STXBP5: variants seen among roughly 807,000 people sequenced by gnomAD.
STXBP5 encodes syntaxin binding protein 5, also known as syntaxin-binding protein 5.
Under a neutral mutation model 152.4 loss-of-function variants are expected in STXBP5, and 50 were observed. That is an observed-to-expected ratio of 0.33 (90% CI 0.26 to 0.42). STXBP5 has a LOEUF of 0.42. STXBP5 is among the 10% of genes least tolerant of loss of function. The pLI is 1.00. For synonymous variants in STXBP5, 492 were observed against 494.7 expected, an observed-to-expected ratio of 0.99 and a Z score of 0.07; for missense variants, 1,167 against 1,388.6, an observed-to-expected ratio of 0.84 and a Z score of 2.54.
In STXBP5 at chr6:147,339,318, A is replaced by T; in HGVS notation, c.2207-19A>T. 2 of 1,517,320 alleles carry T rather than the reference A, an allele frequency of 1.3e-6. No homozygotes were observed. The highest frequency in any genetic ancestry group is 1.8e-6 in the Non-Finnish European group (2 of 1,136,626). 94.0% of individuals were successfully genotyped at this position (1,517,320 alleles called of 1,614,324 possible). A position where few individuals can be genotyped will look rare whatever the true frequency, so the allele number is the denominator to read the frequency against. On this transcript the variant is annotated intron_variant, in intron 20 of 27. Transcript: ENST00000321680. ...CTTTGACTAGATTTTGACATTTTAT[A>T]TCAAAATATTGTTTTCAGTGAAGAC... is the stretch of plus-strand genomic sequence containing the variant.
chr6:147,385,045 G>T lies in STXBP5; in HGVS notation c.*290G>T. The T allele has an allele frequency of 2.5e-6, 1 of 397,920 alleles. No homozygotes were observed. The highest frequency in any genetic ancestry group is 4.5e-6 in the Non-Finnish European group (1 of 221,296). 24.6% of individuals were successfully genotyped at this position (397,920 alleles called of 1,614,324 possible). On this transcript the variant is annotated 3_prime_UTR_variant, in exon 28 of 28. Coordinates refer to ENST00000321680, the MANE Select transcript of STXBP5 (RefSeq NM_001127715.4). The stretch of plus-strand genomic sequence containing the variant: ...AAGGGGGCTGCTGAGGAGACCTGGT[G>T]CAGGGACTAATCCTGGATCATTCCT...
chr6:147,207,771 T>C (rs557965516), intron 2 of STXBP5, among the ~76,000 whole-genome samples: 8 of 152,300 alleles, frequency 5.3e-5, no homozygotes, highest in African/African-American at 1.9e-4. Flanking sequence ...TGCTTTTCTG[T>C]AAAATGAGTT....
At chr6:147,264,139 T>G (rs1024114757) in intron 6 of STXBP5, among the ~76,000 whole-genome samples, 1 of 151,784 alleles carries the variant, frequency 6.6e-6, no homozygotes, top group Admixed American at 6.6e-5. Flanking sequence ...TATCTAAACT[T>G]TGGTTTCTTT....
chr6:147,244,240 A>G (rs187761099), intron 4 of STXBP5, among the ~76,000 whole-genome samples: 40 of 152,284 alleles, frequency 2.6e-4, no homozygotes, highest in Non-Finnish European at 1.9e-4. Flanking sequence ...TTTTGGTATC[A>G]GAGGGGTTTC....
At position 147,278,307 on chromosome 6, in the gene STXBP5, A is replaced by G; in HGVS notation, c.838+103A>G. 4.3e-6 allele frequency: 5 copies of G among 1,172,072 alleles called. No homozygotes were observed. In the South Asian group the frequency reaches 7.1e-5, roughly 17 times the overall value. 72.6% of individuals were successfully genotyped at this position (1,172,072 alleles called of 1,614,324 possible). A position where few individuals can be genotyped will look rare whatever the true frequency, so the allele number is the denominator to read the frequency against. On this transcript the variant is annotated intron_variant, in intron 8 of 27. Coordinates refer to ENST00000321680, the MANE Select transcript of STXBP5 (RefSeq NM_001127715.4). ...TGTTTGTTTGATTTTTAGGATAAGG[A>G]TGGGTTTCCTTCTGTTTTTAGGGAA...
chr6:147,284,764 G>T (rs1204063020), intron 8 of STXBP5, among the ~76,000 whole-genome samples: 1 of 152,156 alleles, frequency 6.6e-6, no homozygotes, highest in African/African-American at 2.4e-5. Context: ...AAACGCCTTT[G>T]GGCAAGTAGC....
chr6:147,219,517 C>T (rs1777349737), intron 2 of STXBP5, among the ~76,000 whole-genome samples: 1 of 152,080 alleles, frequency 6.6e-6, no homozygotes, highest in African/African-American at 2.4e-5. Flanking sequence ...CCCATCTGGT[C>T]CTGGTACTTT....
intron 4 of STXBP5, among the ~76,000 whole-genome samples, chr6:147,240,055 G>A (rs1384053806): frequency 1.3e-5 from 2 of 151,616 alleles, no homozygotes; most frequent in Non-Finnish European, 2.9e-5. Context: ...TGATTCTCAT[G>A]CCTCAGCCTC....
intron 4 of STXBP5, among the ~76,000 whole-genome samples, chr6:147,249,515 C>T (rs942524002): frequency 6.6e-6 from 1 of 152,112 alleles, no homozygotes; most frequent in African/African-American, 2.4e-5. Flanking sequence ...GCAGAATTGT[C>T]CCCTACACAA....
At chr6:147,313,591 T>TA (rs1782489440) in intron 11 of STXBP5, among the ~76,000 whole-genome samples, 1 of 152,142 alleles carries the variant, frequency 6.6e-6, no homozygotes, top group Non-Finnish European at 1.5e-5. Context: ...TGTTCTTCAG[T>TA]AAAATGCCTA....
intron 16 of STXBP5, among the ~76,000 whole-genome samples, chr6:147,319,183 GGTT>G (rs1004100116): frequency 1.3e-5 from 2 of 151,622 alleles, no homozygotes; most frequent in African/African-American, 4.8e-5. Context: ...AAAATGGGGG[GGTT>G]GTTTTTTAAA....
At chr6:147,348,465 C>T (rs1185817720) in intron 21 of STXBP5, among the ~76,000 whole-genome samples, 1 of 152,048 alleles carries the variant, frequency 6.6e-6, no homozygotes, top group African/African-American at 2.4e-5. Context: ...GATTTCTCAG[C>T]TGCACTCAAT....
chr6:147,368,773 C>T (rs898929678), intron 25 of STXBP5, among the ~76,000 whole-genome samples: 1 of 151,710 alleles, frequency 6.6e-6, no homozygotes, highest in Non-Finnish European at 1.5e-5. Context: ...GATAAATATA[C>T]AAAAATAATT....
At chr6:147,371,401 C>T (rs983054229) in intron 25 of STXBP5, among the ~76,000 whole-genome samples, 1 of 152,078 alleles carries the variant, frequency 6.6e-6, no homozygotes, top group Non-Finnish European at 1.5e-5. Flanking sequence ...AGATAAATGA[C>T]TTGTGTATTT....
At chr6:147,226,968 A>G (rs1777750108) in intron 2 of STXBP5, among the ~76,000 whole-genome samples, 1 of 152,110 alleles carries the variant, frequency 6.6e-6, no homozygotes, top group Admixed American at 6.6e-5. Context: ...GTTTCCCCTT[A>G]ATGTGCCCAT....
chr6:147,275,848 T>C (rs912218918), intron 7 of STXBP5, among the ~76,000 whole-genome samples: 6 of 152,078 alleles, frequency 3.9e-5, no homozygotes, highest in African/African-American at 1.4e-4. Flanking sequence ...TGAGCCACCG[T>C]GCCTGGCCAT....
intron 7 of STXBP5, among the ~76,000 whole-genome samples, chr6:147,272,518 G>T (rs1780223393): frequency 6.6e-6 from 1 of 152,052 alleles, no homozygotes; most frequent in Non-Finnish European, 1.5e-5. Flanking sequence ...TTGATTCTCA[G>T]TGCCATTTTT....
At chr6:147,315,233 T>C (rs1455516969) in intron 14 of STXBP5, among the ~76,000 whole-genome samples, 6 of 152,180 alleles carry the variant, frequency 3.9e-5, no homozygotes, top group African/African-American at 1.4e-4. Context: ...ATTTACACAT[T>C]ATTTTTCCAA....
At chr6:147,329,617 C>CTTTTTTTTTTTTTTTT (rs34913817) in intron 18 of STXBP5, among the ~76,000 whole-genome samples, 1 of 71,706 alleles carries the variant, frequency 1.4e-5, no homozygotes, top group Admixed American at 2.5e-4. Flanking sequence ...GTTCTTCAGG[C>CTTTTTTTTTTTTTTTT]TTTTTTTTTT....
Sources: allele counts gnomAD v4.1 joint callset (sites outside exome capture counted in the v4.1 genomes callset), GRCh38; gene constraint gnomAD v4.1.1; transcripts MANE v1.5; gene names NCBI Gene and HGNC (gene_info 2026-07-23, HGNC 2026-07-21).